Variants in SCAMP1 observed in about 807,000 individuals in gnomAD.
The protein encoded by SCAMP1 is secretory carrier membrane protein 1.
A neutral mutation model predicts 41.8 loss-of-function variants in SCAMP1; 15 were observed. The observed-to-expected ratio is 0.36, with a 90% confidence interval of 0.24 to 0.55. The LOEUF (loss-of-function observed/expected upper bound fraction) is 0.55, where lower values mean the gene tolerates loss of function less well. SCAMP1 is among the 20% of genes least tolerant of loss of function. SCAMP1 has a pLI of 0.86. For missense variants in SCAMP1, 341 were observed against 412.6 expected, an observed-to-expected ratio of 0.83 and a Z score of 1.50; for synonymous variants, 135 against 136.8, an observed-to-expected ratio of 0.99 and a Z score of 0.09.
Position 78,478,728 on chromosome 5 carries a change from A to T in SCAMP1, c.*3060A>T, listed in dbSNP as rs938828828. ...CTGATGAAAGTACCTATTTGTGTAT[A>T]TTGGATTTTTCACTTGGTTAGCTAA... is the stretch of plus-strand genomic sequence containing the variant. On this transcript the variant is annotated 3_prime_UTR_variant, in exon 9 of 9. Transcript: ENST00000621999. 2 of 152,112 alleles carry T rather than the reference A, an allele frequency of 1.3e-5. No homozygotes were observed. Among genetic ancestry groups the T allele is most frequent in the Non-Finnish European group, 2.9e-5 (2 of 67,974 alleles). The allele number at this position is 152,112 out of a possible 1,614,324, so 9.4% of individuals were successfully genotyped here. A position where few individuals can be genotyped will look rare whatever the true frequency, so the allele number is the denominator to read the frequency against.
At chr5:78,375,442 G>A (rs1751043005) in intron 1 of SCAMP1, among the ~76,000 whole-genome samples, 1 of 152,046 alleles carries the variant, frequency 6.6e-6, no homozygotes, top group Admixed American at 6.6e-5. Context: ...AAGTCATAAA[G>A]CTCTTCTGAG....
chr5:78,436,130 G>T (rs946659257), intron 6 of SCAMP1, among the ~76,000 whole-genome samples: 12 of 152,128 alleles, frequency 7.9e-5, no homozygotes, highest in Non-Finnish European at 1.3e-4. Flanking sequence ...TTAGCCCTTT[G>T]TCAGATGGGT....
intron 2 of SCAMP1, among the ~76,000 whole-genome samples, chr5:78,402,244 C>A (rs1253315615): frequency 6.8e-6 from 1 of 146,982 alleles, no homozygotes; most frequent in African/African-American, 2.5e-5. Flanking sequence ...TACAGAATGT[C>A]TTCTGTCTTG....
intron 1 of SCAMP1, among the ~76,000 whole-genome samples, chr5:78,379,089 A>T (rs2112066191): frequency 6.6e-6 from 1 of 152,336 alleles, no homozygotes; most frequent in South Asian, 2.1e-4. Flanking sequence ...ACAGTTTTGG[A>T]ATTATTAATA....
At chr5:78,371,420 A>G (rs1750940863) in intron 1 of SCAMP1, among the ~76,000 whole-genome samples, 1 of 152,150 alleles carries the variant, frequency 6.6e-6, no homozygotes, top group Non-Finnish European at 1.5e-5. Context: ...AAGATTGTTC[A>G]GTCCCCATTG....
At position 78,476,515 on chromosome 5, in the gene SCAMP1, C is replaced by T. The variant is rs1754009184; in HGVS notation, c.*847C>T. On this transcript the variant is annotated 3_prime_UTR_variant, in exon 9 of 9. Transcript: ENST00000621999. The stretch of plus-strand genomic sequence containing the variant: ...AAAAATTTCGGTAGTCATATAGTAA[C>T]ATTTTGCTATATGAAAACTTTGGTA... 6.6e-6 allele frequency: 1 copy of T among 152,468 alleles called. No individual in the cohort carries two copies. The highest frequency in any genetic ancestry group is 2.1e-4 in the South Asian group (1 of 4,824). The allele number at this position is 152,468 out of a possible 1,614,324, so 9.4% of individuals were successfully genotyped here.
chr5:78,360,833 C>A (rs934688290), intron 1 of SCAMP1, 105 bp downstream of exon 1: 9 of 1,189,358 alleles, frequency 7.6e-6, no homozygotes, highest in African/African-American at 3.1e-5. Flanking sequence ...CTCCCCTTAG[C>A]AGCCCAGAGA....
intron 1 of SCAMP1, among the ~76,000 whole-genome samples, chr5:78,366,422 G>T (rs934556698): frequency 5.9e-5 from 9 of 152,150 alleles, no homozygotes; most frequent in Admixed American, 5.9e-4. Flanking sequence ...GGGATTACAG[G>T]TGTATGCCAC....
intron 8 of SCAMP1, among the ~76,000 whole-genome samples, chr5:78,473,297 A>C (rs1295623905): frequency 1.3e-5 from 2 of 152,074 alleles, no homozygotes; most frequent in African/African-American, 4.8e-5. Flanking sequence ...TTGTACCGTG[A>C]TAGATTTTCA....
intron 1 of SCAMP1, among the ~76,000 whole-genome samples, chr5:78,378,643 G>A (rs943059593): frequency 1.3e-5 from 2 of 152,218 alleles, no homozygotes; most frequent in African/African-American, 4.8e-5. Flanking sequence ...AAGTAACACT[G>A]TAAAGTTAAG....
intron 7 of SCAMP1, among the ~76,000 whole-genome samples, chr5:78,454,334 C>T (rs538747790): frequency 6.6e-6 from 1 of 152,232 alleles, no homozygotes; most frequent in African/African-American, 2.4e-5. Context: ...ATAGATAGCT[C>T]TTATTATTTT....
chr5:78,377,681 C>T (rs1007472963), intron 1 of SCAMP1, among the ~76,000 whole-genome samples: 1 of 152,270 alleles, frequency 6.6e-6, no homozygotes. Context: ...CTAATATTTG[C>T]TATACTTTTT....
chr5:78,462,489 A>AT (rs886970679), intron 8 of SCAMP1, among the ~76,000 whole-genome samples: 3 of 151,714 alleles, frequency 2.0e-5, no homozygotes, highest in East Asian at 1.9e-4. Flanking sequence ...CACCTGGCTA[A>AT]TTTTTTTTGT....
intron 7 of SCAMP1, 78 bp from the exon 8 acceptor site, chr5:78,459,167 A>G: frequency 1.4e-6 from 1 of 722,010 alleles, no homozygotes. Flanking sequence ...ATAAGTGTTG[A>G]ATATGTGTTA....
At position 78,378,041 on chromosome 5, in the gene SCAMP1, C is replaced by T. The variant is rs193133364; in HGVS notation, c.58-10796C>T. Among the ~76,000 whole-genome samples, 6 of 152,162 alleles carry T rather than the reference C, an allele frequency of 3.9e-5. No homozygotes were observed. In the East Asian group the frequency reaches 7.7e-4, roughly 20 times the overall value. On this transcript the variant is annotated intron_variant, in intron 1 of 8. Transcript: ENST00000621999. ...CCCTTAATTTTGAAGATGAGAAAAT[C>T]GAGAGAGTTTGAGTGACTTGCCTGA...
In SCAMP1 at chr5:78,412,401, A is replaced by G. The variant is rs529510314; in HGVS notation, c.136-3119A>G. 6.6e-5 allele frequency among the ~76,000 whole-genome samples: 10 copies of G among 151,684 alleles called. No homozygotes were observed. In the South Asian group the frequency reaches 2.1e-3, roughly 32 times the overall value. On this transcript the variant is annotated intron_variant, in intron 2 of 8. Coordinates refer to ENST00000621999, the MANE Select transcript of SCAMP1 (RefSeq NM_004866.6). ...TTGTTTTGTTTTTTTTTTAACATTC[A>G]ATTTTTAATCCATTTGGAATTCTTT...
chr5:78,361,909 GC>G (rs1489591107), intron 1 of SCAMP1, among the ~76,000 whole-genome samples: 2 of 152,166 alleles, frequency 1.3e-5, no homozygotes, highest in Admixed American at 6.5e-5. Context: ...ATTATTAAAT[GC>G]CTGATAATTC....
At chr5:78,434,958 C>T (rs927615832) in intron 6 of SCAMP1, among the ~76,000 whole-genome samples, 1 of 152,168 alleles carries the variant, frequency 6.6e-6, no homozygotes. Context: ...ATTTTGTACA[C>T]ATCTGATTTT....
At chr5:78,404,173 G>T (rs6414976) in intron 2 of SCAMP1, among the ~76,000 whole-genome samples, 143,268 of 150,554 alleles carry the variant, frequency 0.95, 68,369 homozygotes, top group Non-Finnish European at 0.97. Context: ...GCTCATGCTT[G>T]CTTTATGTGG....
Sources: gnomAD v4.1 joint callset for allele counts (sites outside exome capture counted in the v4.1 genomes callset) on GRCh38, gnomAD v4.1.1 for gene constraint, MANE v1.5 for transcripts, NCBI Gene and HGNC (gene_info 2026-07-23, HGNC 2026-07-21) for gene names.